The following TTLL6 variants were observed in gnomAD, a reference collection of about 807,000 sequenced individuals.
The protein encoded by TTLL6 is tubulin tyrosine ligase like 6, also known as tubulin polyglutamylase TTLL6.
Under a neutral mutation model 96.4 loss-of-function variants are expected in TTLL6, and 75 were observed. The ratio of observed to expected loss-of-function variants is 0.78; its 90% CI spans 0.65 to 0.94. The LOEUF (loss-of-function observed/expected upper bound fraction) is 0.94, where lower values mean the gene tolerates loss of function less well. Among genes scored for constraint, TTLL6 ranks in the 40% least tolerant of loss-of-function variants. The pLI, the probability that TTLL6 is intolerant of heterozygous loss-of-function variation, is 0.00. For missense variants in TTLL6, 1,030 were observed against 1,093.0 expected (o/e 0.94, Z 0.81); for synonymous variants, 411 against 419.4 (o/e 0.98, Z 0.24).
intron 13 of TTLL6, among the ~76,000 whole-genome samples, chr17:48,783,588 C>T (rs1383593079): frequency 2.6e-5 from 4 of 151,948 alleles, no homozygotes; most frequent in South Asian, 2.1e-4. Context: ...TGCACCATCA[C>T]ACCTGGCTAA....
chr17:48,799,563 T>C, intron 6 of TTLL6, 41 bp downstream of exon 6: 1 of 1,539,198 alleles, frequency 6.5e-7, no homozygotes, highest in Non-Finnish European at 8.8e-7. Context: ...AAGTCCGCGG[T>C]TGCTGTGGGT....
At chr17:48,777,740 A>C (rs568283921) in intron 13 of TTLL6, among the ~76,000 whole-genome samples, 1 of 151,192 alleles carries the variant, frequency 6.6e-6, no homozygotes, top group Non-Finnish European at 1.5e-5. Context: ...CAAAAAAAAA[A>C]AAATATACAA....
Position 48,789,973 on chromosome 17 carries a change from T to C in TTLL6, c.1358A>G (p.Gln453Arg), listed in dbSNP as rs1597982694. 2 of 1,614,190 alleles carry C rather than the reference T, an allele frequency of 1.2e-6. No individual in the cohort carries two copies. Among genetic ancestry groups the C allele is most frequent in the Middle Eastern group, 3.3e-4 (2 of 6,062 alleles). ...DKKKVLEEER[Q>R]RGQFLQQCCS... ...ACACTGCTGCAGGAACTGCCCCCGT[T>C]GTCTCTCCTCCTCCAAGACTTTCTT... Residue 453 changes from glutamine (Q) to arginine (R), a missense_variant, in exon 10 of 16, where the codon CAA becomes CGA. By Grantham distance (43) the Gln-to-Arg change is conservative (BLOSUM62 1). Transcript: ENST00000393382.
intron 13 of TTLL6, among the ~76,000 whole-genome samples, chr17:48,783,151 G>C (rs2039020641): frequency 6.6e-6 from 1 of 152,098 alleles, no homozygotes; most frequent in Admixed American, 6.5e-5. Flanking sequence ...GTGGGGCGGG[G>C]GTGATGGATT....
At chr17:48,802,054 GAAAGA>G (rs559471168) in intron 3 of TTLL6, among the ~76,000 whole-genome samples, 2 of 128,994 alleles carry the variant, frequency 1.6e-5, no homozygotes, top group Non-Finnish European at 3.3e-5. Flanking sequence ...AAAAAAGAAA[GAAAGA>G]AAAGAAAAGA....
intron 8 of TTLL6, among the ~76,000 whole-genome samples, chr17:48,792,440 G>A (rs556370560): frequency 7.9e-5 from 12 of 152,270 alleles, no homozygotes; most frequent in African/African-American, 2.9e-4. Flanking sequence ...AGTGTGGAAG[G>A]AGGAGGTGCA....
At chr17:48,801,180 C>T in intron 5 of TTLL6, 75 bp downstream of exon 5, 2 of 1,401,396 alleles carry the variant, frequency 1.4e-6, no homozygotes, top group Non-Finnish European at 2.0e-6. Context: ...AAGTGGCAAC[C>T]AGGGAATCGG....
chr17:48,789,862 C>G, intron 10 of TTLL6, 69 bp downstream of exon 10: 1 of 1,551,642 alleles, frequency 6.4e-7, no homozygotes, highest in Non-Finnish European at 8.8e-7. Context: ...CGGCCCAGGA[C>G]AGATCATTCT....
At chr17:48,770,290 A>C (rs947482019) in intron 13 of TTLL6, among the ~76,000 whole-genome samples, 193 bp from the exon 14 acceptor site, 2 of 151,828 alleles carry the variant, frequency 1.3e-5, no homozygotes, top group African/African-American at 2.4e-5. Flanking sequence ...CACCATGCCC[A>C]GCTCCCATGC....
intron 7 of TTLL6, among the ~76,000 whole-genome samples, chr17:48,796,618 C>CAA (rs10667928): frequency 0.15 from 20,677 of 138,104 alleles, 2,386 homozygotes; most frequent in East Asian, 0.66. Flanking sequence ...GACTCCATCT[C>CAA]AAAAAAAAAA....
At chr17:48,763,873 A>C (rs147934829) in intron 15 of TTLL6, among the ~76,000 whole-genome samples, 4,966 of 152,282 alleles carry the variant, frequency 0.033, 132 homozygotes, top group African/African-American at 0.074. Context: ...CTGAGGCAGG[A>C]GAATAGCTTG....
chr17:48,803,907 G>A lies in TTLL6; in HGVS notation c.345C>T (p.Ser115=). 1 of 1,552,026 alleles carries A rather than the reference G, an allele frequency of 6.4e-7. No homozygotes were observed. Among genetic ancestry groups the A allele is most frequent in the South Asian group, 1.2e-5 (1 of 84,060 alleles). Residue 115 remains serine, a synonymous_variant, in exon 3 of 16, where the codon AGC becomes AGT. Coordinates refer to ENST00000393382, the MANE Select transcript of TTLL6 (RefSeq NM_001130918.3). Reference sequence around the variant, plus strand: ...GATGCTCACCACTCTCATACCGGCAGCTGGATAGATTGATCACCAATCATC... The same window carrying A: ...GATGCTCACCACTCTCATACCGGCAACTGGATAGATTGATCACCAATCATC... ...KKKRLVINLS[S]CRYESVRRAA... is the part of the protein sequence containing the mutation.
intron 13 of TTLL6, among the ~76,000 whole-genome samples, chr17:48,777,011 G>GACACAAACACACACAC (rs1555563986): frequency 7.1e-6 from 1 of 141,394 alleles, no homozygotes; most frequent in Non-Finnish European, 1.5e-5. Flanking sequence ...CATAAGGATA[G>GACACAAACACACACAC]ACACACACAC....
At chr17:48,806,726 T>G (rs971191333) in intron 1 of TTLL6, among the ~76,000 whole-genome samples, 14 of 152,246 alleles carry the variant, frequency 9.2e-5, no homozygotes, top group African/African-American at 2.9e-4. Context: ...GAATTCACTT[T>G]TATTCTTAAT....
rs149038470 is a variant in TTLL6 at position 48,808,374 on chromosome 17, A to ATGTGTGTGTGTGTG, written c.104-3397_104-3384dup. 3.3e-3 allele frequency among the ~76,000 whole-genome samples: 487 copies of ATGTGTGTGTGTGTG among 148,704 alleles called. 3 individuals are homozygous for ATGTGTGTGTGTGTG. Among genetic ancestry groups the ATGTGTGTGTGTGTG allele is most frequent in the African/African-American group, 0.011 (457 of 40,566 alleles). On this transcript the variant is annotated intron_variant, in intron 1 of 15. Coordinates refer to ENST00000393382, the MANE Select transcript of TTLL6 (RefSeq NM_001130918.3). Reference sequence around the variant, plus strand: ...GCAAATTACATCGCTTCTCATATGTATGTGTGTGTGTGTGTGTGTGTGTGC... The same window carrying ATGTGTGTGTGTGTG: ...GCAAATTACATCGCTTCTCATATGTATGTGTGTGTGTGTGTGTGTGTGTGTGTGTGTGTGTGTGC...
intron 13 of TTLL6, among the ~76,000 whole-genome samples, chr17:48,782,957 C>T (rs1236516716): frequency 6.6e-6 from 1 of 152,106 alleles, no homozygotes; most frequent in Non-Finnish European, 1.5e-5. Flanking sequence ...AGGTGATCCA[C>T]CCACCTCGGC....
At chr17:48,814,223 G>A (rs774725919) in intron 1 of TTLL6, among the ~76,000 whole-genome samples, 14 of 149,820 alleles carry the variant, frequency 9.3e-5, no homozygotes, top group South Asian at 2.1e-4. Flanking sequence ...GTAGGCTGGG[G>A]CAGGAGAATC....
intron 13 of TTLL6, among the ~76,000 whole-genome samples, chr17:48,779,844 C>A (rs1242776714): frequency 6.6e-6 from 1 of 151,978 alleles, no homozygotes; most frequent in Non-Finnish European, 1.5e-5. Flanking sequence ...ACGTAAAATT[C>A]TAGAACAGGC....
At chr17:48,799,134 C>T (rs936055766) in intron 6 of TTLL6, among the ~76,000 whole-genome samples, 2 of 152,182 alleles carry the variant, frequency 1.3e-5, no homozygotes, top group African/African-American at 4.8e-5. Context: ...TGCATAGTTG[C>T]AGTTCTACAA....
Sources: allele counts gnomAD v4.1 joint callset (sites outside exome capture counted in the v4.1 genomes callset), GRCh38; gene constraint gnomAD v4.1.1; transcripts MANE v1.5; gene names NCBI Gene and HGNC (gene_info 2026-07-23, HGNC 2026-07-21).